The following VAV3 variants were observed in gnomAD, a reference collection of about 807,000 sequenced individuals.
VAV3 encodes guanine nucleotide exchange factor VAV3.
Under a neutral mutation model 131.2 loss-of-function variants are expected in VAV3, and 94 were observed. The ratio of observed to expected loss-of-function variants is 0.72; its 90% CI spans 0.61 to 0.85. VAV3 has a LOEUF of 0.85. VAV3 is among the 40% of genes least tolerant of loss of function. VAV3 has a pLI of 0.00. For missense variants in VAV3, 939 were observed against 1,002.7 expected, an observed-to-expected ratio of 0.94 and a Z score of 0.86; for synonymous variants, 349 against 342.0, an observed-to-expected ratio of 1.02 and a Z score of -0.22.
In VAV3 at chr1:107,574,285, T is replaced by C; in HGVS notation, c.2351-87A>G. The C allele has an allele frequency of 2.7e-6, 4 of 1,494,146 alleles. No individual in the cohort carries two copies. The South Asian group carries it at 3.9e-5, about 14-fold the overall frequency. 92.6% of individuals were successfully genotyped at this position (1,494,146 alleles called of 1,614,324 possible). ...AATCAGATGAATGTTATTGATGCTA[T>C]CAAATGCACAGTCGTGATTTCATTA... On this transcript the variant is annotated intron_variant, in intron 25 of 26. Transcript: ENST00000370056.
intron 19 of VAV3, among the ~76,000 whole-genome samples, chr1:107,659,535 G>T (rs1265181220): frequency 2.6e-5 from 4 of 152,064 alleles, no homozygotes; most frequent in Non-Finnish European, 5.9e-5. Context: ...CAAAGTGATT[G>T]TTCTTTTTAT....
chr1:107,697,502 T>G (rs1192993716), intron 17 of VAV3, among the ~76,000 whole-genome samples: 2 of 152,084 alleles, frequency 1.3e-5, no homozygotes, highest in Non-Finnish European at 2.9e-5. Context: ...AAAAGCAAAT[T>G]TAGCCAGAGG....
chr1:107,574,163 G>T lies in VAV3; in HGVS notation c.2386C>A (p.Arg796=), dbSNP rs769172437. The stretch of plus-strand genomic sequence containing the variant: ...ATATCTCTTGCACAGAAGTCATACC[G>T]AGCGATGGCAATGCCCAGCACTTTT... The part of the protein sequence containing the change: ...SPKVLGIAIA[R]YDFCARDMRE... Residue 796 remains arginine, a synonymous_variant, in exon 26 of 27, where the codon CGG becomes AGG. Coordinates refer to ENST00000370056, the MANE Select transcript of VAV3 (RefSeq NM_006113.5). The T allele has an allele frequency of 6.2e-7, 1 of 1,613,816 alleles. No homozygotes were observed. Among genetic ancestry groups the T allele is most frequent in the Admixed American group, 1.7e-5 (1 of 59,988 alleles).
At chr1:107,613,293 G>T (rs1359163096) in intron 21 of VAV3, among the ~76,000 whole-genome samples, 1 of 151,976 alleles carries the variant, frequency 6.6e-6, no homozygotes, top group Admixed American at 6.6e-5. Context: ...AAAGTTCTCA[G>T]GCATTGTTTA....
At chr1:107,710,209 T>C (rs541790241) in intron 15 of VAV3, among the ~76,000 whole-genome samples, 3 of 152,166 alleles carry the variant, frequency 2.0e-5, no homozygotes, top group Non-Finnish European at 2.9e-5. Context: ...TGAGAACCAA[T>C]TTATGACATC....
intron 2 of VAV3, among the ~76,000 whole-genome samples, chr1:107,799,537 CAAT>C (rs1248941079): frequency 6.6e-6 from 1 of 151,918 alleles, no homozygotes; most frequent in Non-Finnish European, 1.5e-5. Flanking sequence ...TACTTTCCAC[CAAT>C]AATTTTTCCT....
intron 2 of VAV3, among the ~76,000 whole-genome samples, chr1:107,782,193 T>C (rs921629644): frequency 3.3e-5 from 5 of 152,340 alleles, no homozygotes; most frequent in East Asian, 3.9e-4. Flanking sequence ...CTTTTATTAT[T>C]GCTATTCTAT....
intron 4 of VAV3, among the ~76,000 whole-genome samples, chr1:107,773,328 T>C (rs1360153434): frequency 1.3e-5 from 2 of 152,244 alleles, no homozygotes; most frequent in African/African-American, 4.8e-5. Context: ...GACCTCAGTT[T>C]CATCAACTGT....
intron 20 of VAV3, among the ~76,000 whole-genome samples, chr1:107,627,609 CT>C (rs1316254816): frequency 3.9e-5 from 6 of 152,132 alleles, no homozygotes; most frequent in Non-Finnish European, 8.8e-5. Context: ...CCCAAATACA[CT>C]TTTTTCTCCT....
intron 2 of VAV3, among the ~76,000 whole-genome samples, chr1:107,826,118 G>C (rs554236766): frequency 3.3e-5 from 5 of 152,152 alleles, no homozygotes; most frequent in African/African-American, 1.2e-4. Context: ...AAGGTTAGTA[G>C]ATTTAACTTA....
At chr1:107,912,040 G>C (rs964604615) in intron 1 of VAV3, among the ~76,000 whole-genome samples, 6 of 151,982 alleles carry the variant, frequency 3.9e-5, no homozygotes, top group African/African-American at 1.2e-4. Flanking sequence ...TAAATACCAA[G>C]TGTTTTTTGT....
At chr1:107,744,054 G>C (rs1663177723) in intron 15 of VAV3, among the ~76,000 whole-genome samples, 1 of 152,152 alleles carries the variant, frequency 6.6e-6, no homozygotes, top group Non-Finnish European at 1.5e-5. Context: ...CATCCCAACA[G>C]TGAAGGTCCT....
At chr1:107,779,310 C>T in intron 3 of VAV3, 124 bp downstream of exon 3, 1 of 744,040 alleles carries the variant, frequency 1.3e-6, no homozygotes, top group Non-Finnish European at 2.0e-6. Context: ...ACTTACATAC[C>T]AGGCACTCTT....
intron 15 of VAV3, among the ~76,000 whole-genome samples, chr1:107,707,534 T>C (rs1463110759): frequency 6.6e-6 from 1 of 152,222 alleles, no homozygotes; most frequent in African/African-American, 2.4e-5. Context: ...GTGATCATGA[T>C]AGTGCTTTGT....
chr1:107,782,629 G>T (rs542829602), intron 2 of VAV3, among the ~76,000 whole-genome samples: 1 of 152,316 alleles, frequency 6.6e-6, no homozygotes, highest in Non-Finnish European at 1.5e-5. Context: ...ACTCAGTTTT[G>T]TGTCTATGCT....
chr1:107,849,380 T>C (rs1413582076), intron 2 of VAV3, among the ~76,000 whole-genome samples: 3 of 151,638 alleles, frequency 2.0e-5, no homozygotes, highest in Non-Finnish European at 4.4e-5. Flanking sequence ...CCAAAACAGA[T>C]ATATTGACCA....
intron 2 of VAV3, among the ~76,000 whole-genome samples, chr1:107,830,821 G>GGGA (rs1294500758): frequency 6.6e-6 from 1 of 152,198 alleles, no homozygotes; most frequent in East Asian, 1.9e-4. Context: ...CTCCTACCTT[G>GGGA]GGAGGATCCC....
chr1:107,759,298 T>C (rs576469259), intron 10 of VAV3, among the ~76,000 whole-genome samples: 8 of 152,272 alleles, frequency 5.3e-5, no homozygotes, highest in Admixed American at 5.2e-4. Context: ...GTATAATAAA[T>C]CCATAAAAAT....
chr1:107,574,798 TA>T (rs1649495429), intron 25 of VAV3, among the ~76,000 whole-genome samples: 2 of 152,320 alleles, frequency 1.3e-5, no homozygotes, highest in South Asian at 4.1e-4. Context: ...ATAATTCACC[TA>T]AGTGAAGAGG....
Sources: allele counts gnomAD v4.1 joint callset (sites outside exome capture counted in the v4.1 genomes callset), GRCh38; gene constraint gnomAD v4.1.1; transcripts MANE v1.5; gene names NCBI Gene and HGNC (gene_info 2026-07-23, HGNC 2026-07-21).